TENT5D: variants seen among roughly 807,000 people sequenced by gnomAD.
TENT5D encodes the protein terminal nucleotidyltransferase 5D, also known as cancer/testis antigen 112.
For missense variants in TENT5D, 191 were observed against 287.0 expected, an observed-to-expected ratio of 0.67 and a Z score of 2.42; for synonymous variants, 103 against 100.6, an observed-to-expected ratio of 1.02 and a Z score of -0.15.
At position 80,395,072 on chromosome X, in the gene TENT5D, A is replaced by G. The variant is rs186937577; in HGVS notation, c.-141-43538A>G. Among the ~76,000 whole-genome samples the G allele has an allele frequency of 2.5e-4, 28 of 111,382 alleles. No homozygotes were observed. In the East Asian group the frequency reaches 5.1e-3, roughly 20 times the overall value. On this transcript the variant is annotated intron_variant, in intron 3 of 4. Transcript: ENST00000538312. ...GCAAATACTTGTATTTGCTATTTCT[A>G]TGAGAACAACTTTTTTAGATTTCAC...
chrX:80,394,673 C>A (rs5913259), intron 3 of TENT5D, among the ~76,000 whole-genome samples: 1 of 110,852 alleles, frequency 9.0e-6, no homozygotes. Flanking sequence ...GGATTACAGG[C>A]GTGAGCCACC....
At chrX:80,433,371 A>G in intron 1 of TENT5D, among the ~76,000 whole-genome samples, 1 of 112,235 alleles carries the variant, frequency 8.9e-6, no homozygotes, top group Middle Eastern at 4.6e-3. Flanking sequence ...TCTTACTGCC[A>G]CACTACAAGG....
chrX:80,404,209 C>T (rs1413236795), intron 3 of TENT5D, among the ~76,000 whole-genome samples: 2 of 111,505 alleles, frequency 1.8e-5, no homozygotes, highest in Non-Finnish European at 3.8e-5. Flanking sequence ...ATAAGTCATT[C>T]ATTTAGCCAA....
intron 3 of TENT5D, among the ~76,000 whole-genome samples, chrX:80,364,180 A>G (rs1218619605): frequency 8.9e-6 from 1 of 111,733 alleles, no homozygotes; most frequent in East Asian, 2.8e-4. Context: ...CCCACTGCCT[A>G]CTTTACAAGC....
intron 1 of TENT5D, among the ~76,000 whole-genome samples, chrX:80,436,527 G>A (rs1932185798): frequency 1.8e-5 from 2 of 110,329 alleles, no homozygotes; most frequent in Admixed American, 1.9e-4. Flanking sequence ...TTCTCCTAAT[G>A]CTATTCCTCC....
At chrX:80,414,490 C>T (rs1393647684) in intron 3 of TENT5D, among the ~76,000 whole-genome samples, 1 of 111,986 alleles carries the variant, frequency 8.9e-6, no homozygotes, top group Non-Finnish European at 1.9e-5. Flanking sequence ...AGTCCTGAGA[C>T]ATCTGCCCAA....
intron 3 of TENT5D, among the ~76,000 whole-genome samples, chrX:80,385,802 A>G (rs1272123853): frequency 1.8e-5 from 2 of 112,389 alleles, no homozygotes; most frequent in East Asian, 2.8e-4. Context: ...CATTTATGCA[A>G]ACAAAAGACA....
At chrX:80,353,025 A>G (rs1309452821) in intron 3 of TENT5D, among the ~76,000 whole-genome samples, 1 of 111,941 alleles carries the variant, frequency 8.9e-6, no homozygotes, top group Non-Finnish European at 1.9e-5. Flanking sequence ...ACCAGTCCCA[A>G]TGAGATGAAC....
chrX:80,386,882 C>A (rs931849680), intron 3 of TENT5D, among the ~76,000 whole-genome samples: 1 of 111,706 alleles, frequency 9.0e-6, no homozygotes, highest in Non-Finnish European at 1.9e-5. Flanking sequence ...GGGGAAAAAA[C>A]CAAAGTGCTA....
intron 1 of TENT5D, among the ~76,000 whole-genome samples, chrX:80,427,641 C>CA (rs1461416616): frequency 2.7e-5 from 3 of 111,555 alleles, no homozygotes; most frequent in African/African-American, 9.8e-5. Flanking sequence ...CACAGACAGG[C>CA]AGAAGAAAAT....
At chrX:80,420,449 A>C (rs1480648296), upstream of TENT5D, 2 of 111,456 alleles carry the variant, frequency 1.8e-5, no homozygotes, top group East Asian at 5.6e-4. Flanking sequence ...CTGGAATTGC[A>C]GCAAGTGAGG....
intron 3 of TENT5D, among the ~76,000 whole-genome samples, chrX:80,383,967 T>C (rs1202955496): frequency 9.0e-6 from 1 of 111,081 alleles, no homozygotes; most frequent in Non-Finnish European, 1.9e-5. Context: ...GGATTCACAG[T>C]GGAATTCTAC....
intron 3 of TENT5D, among the ~76,000 whole-genome samples, chrX:80,406,349 T>A (rs1203258481): frequency 1.9e-5 from 2 of 106,620 alleles, no homozygotes; most frequent in Non-Finnish European, 3.9e-5. Flanking sequence ...TTGAAAACTT[T>A]GAAAAAAATT....
At chrX:80,435,695 T>C (rs772197095) in intron 1 of TENT5D, among the ~76,000 whole-genome samples, 57 of 112,362 alleles carry the variant, frequency 5.1e-4, no homozygotes, top group Middle Eastern at 9.3e-3. Flanking sequence ...AGGACCTTCA[T>C]AGGTTGTCTA....
At chrX:80,419,806 G>A (rs976436495), upstream of TENT5D, among the ~76,000 whole-genome samples, 35 of 111,724 alleles carry the variant, frequency 3.1e-4, no homozygotes, top group Non-Finnish European at 1.7e-4. Flanking sequence ...GACCTTCTGG[G>A]CTCAAGCAAT....
intron 3 of TENT5D, among the ~76,000 whole-genome samples, chrX:80,396,769 G>A (rs1352902298): frequency 6.0e-5 from 6 of 99,919 alleles, no homozygotes; most frequent in African/African-American, 1.5e-4. Context: ...ATCATGGCCC[G>A]TTCTCAATGA....
chrX:80,336,084 A>G (rs1218500233), intron 2 of TENT5D, among the ~76,000 whole-genome samples: 2 of 111,078 alleles, frequency 1.8e-5, no homozygotes, highest in Non-Finnish European at 3.8e-5. Flanking sequence ...ATTCGTTTCA[A>G]TTCAAAACCC....
chrX:80,392,396 CTT>C (rs924723959), intron 3 of TENT5D, among the ~76,000 whole-genome samples: 2 of 106,945 alleles, frequency 1.9e-5, no homozygotes, highest in African/African-American at 6.8e-5. Flanking sequence ...CCACAAATAA[CTT>C]TGAGGCACTA....
intron 3 of TENT5D, among the ~76,000 whole-genome samples, chrX:80,353,405 GT>G (rs769376688): frequency 8.1e-4 from 90 of 111,340 alleles, no homozygotes; most frequent in African/African-American, 1.4e-3. Context: ...CCTATAGGTA[GT>G]TTTTTTTAAA....
Sources: allele counts gnomAD v4.1 joint callset (sites outside exome capture counted in the v4.1 genomes callset), GRCh38; gene constraint gnomAD v4.1.1; transcripts MANE v1.5; gene names NCBI Gene and HGNC (gene_info 2026-07-23, HGNC 2026-07-21).